TNFRSF10A: variants seen among roughly 807,000 people sequenced by gnomAD.
The protein encoded by TNFRSF10A is tumor necrosis factor receptor superfamily member 10A.
A neutral mutation model predicts 42.8 loss-of-function variants in TNFRSF10A; 44 were observed. The ratio of observed to expected loss-of-function variants is 1.03; its 90% CI spans 0.81 to 1.32. The LOEUF (loss-of-function observed/expected upper bound fraction) is 1.32, where lower values mean the gene tolerates loss of function less well. TNFRSF10A is among the 40% of genes most tolerant of loss of function. The probability of loss-of-function intolerance (pLI) is 0.00; values close to 1 mark genes in which losing one functional copy is unlikely to be tolerated. For missense variants in TNFRSF10A, 680 were observed against 602.0 expected (o/e 1.13, Z -1.36); for synonymous variants, 259 against 234.2 (o/e 1.11, Z -0.97).
intron 2 of TNFRSF10A, among the ~76,000 whole-genome samples, chr8:23,209,473 C>G (rs778614960): frequency 3.3e-5 from 5 of 152,232 alleles, no homozygotes; most frequent in Non-Finnish European, 7.3e-5. Flanking sequence ...GCACGTGAAA[C>G]CAGCCAGGAG....
intron 4 of TNFRSF10A, 100 bp downstream of exon 4, chr8:23,201,708 G>A (rs1800920292): frequency 8.9e-7 from 1 of 1,117,720 alleles, no homozygotes; most frequent in Non-Finnish European, 1.3e-6. Flanking sequence ...ATGGGGTCAG[G>A]GCTGATAGAT....
At chr8:23,208,590 G>A (rs1233145679) in intron 2 of TNFRSF10A, among the ~76,000 whole-genome samples, 1 of 152,032 alleles carries the variant, frequency 6.6e-6, no homozygotes, top group Non-Finnish European at 1.5e-5. Flanking sequence ...TGAGTAGCTG[G>A]GACTACAGGC....
rs140965492 is a variant in TNFRSF10A, at chr8:23,197,279, C to T, written c.1015-75G>A. On this transcript the variant is annotated intron_variant, in intron 8 of 9. Transcript: ENST00000221132. Reference sequence around the variant, plus strand: ...TCTAGTACTGACTCTGACCATCAGCCAGCCCGGAAACCTGCAGCACATCAC... The same window carrying T: ...TCTAGTACTGACTCTGACCATCAGCTAGCCCGGAAACCTGCAGCACATCAC... 1,963 of 1,570,208 alleles carry T rather than the reference C, an allele frequency of 1.3e-3. 27 individuals are homozygous for T. The African/African-American group carries it at 0.024, about 19-fold the overall frequency.
chr8:23,207,557 T>G (rs1801033864), intron 2 of TNFRSF10A, among the ~76,000 whole-genome samples: 1 of 152,180 alleles, frequency 6.6e-6, no homozygotes, highest in Non-Finnish European at 1.5e-5. Flanking sequence ...ATAAGGACAA[T>G]ATTACTGATA....
intron 8 of TNFRSF10A, 30 bp downstream of exon 8, chr8:23,199,236 A>G (rs1401586403): frequency 1.3e-6 from 2 of 1,593,910 alleles, no homozygotes; most frequent in Non-Finnish European, 1.7e-6. Flanking sequence ...CCTGCCTACA[A>G]GGTCTTGGAG....
chr8:23,192,464 C>T (rs1437383074), intron 9 of TNFRSF10A, among the ~76,000 whole-genome samples: 1 of 152,128 alleles, frequency 6.6e-6, no homozygotes, highest in African/African-American at 2.4e-5. Context: ...GGACCTCTGC[C>T]CTCCCTGAGG....
chr8:23,197,459 G>C (rs994536938), intron 8 of TNFRSF10A, among the ~76,000 whole-genome samples: 1 of 152,122 alleles, frequency 6.6e-6, no homozygotes, highest in African/African-American at 2.4e-5. Context: ...ATTGTGAACT[G>C]TGCACGTCAG....
chr8:23,207,012 CCACT>C, intron 2 of TNFRSF10A: 1 of 406,964 alleles, frequency 2.5e-6, no homozygotes, highest in Non-Finnish European at 4.7e-6. Flanking sequence ...AGAAAGGTGT[CCACT>C]GCCATGAAAA....
At chr8:23,222,350 C>G (rs887429396) in intron 1 of TNFRSF10A, among the ~76,000 whole-genome samples, 2 of 152,152 alleles carry the variant, frequency 1.3e-5, no homozygotes, top group African/African-American at 2.4e-5. Context: ...ATGACACATA[C>G]AAGGGTTCTC....
intron 2 of TNFRSF10A, among the ~76,000 whole-genome samples, chr8:23,209,762 G>C (rs1801067091): frequency 1.3e-5 from 2 of 152,196 alleles, no homozygotes; most frequent in Non-Finnish European, 2.9e-5. Flanking sequence ...TAGGCTCATA[G>C]GCAGAAGGGA....
At chr8:23,224,688 CCT>C in intron 1 of TNFRSF10A, 66 bp downstream of exon 1, 48 of 1,494,152 alleles carry the variant, frequency 3.2e-5, no homozygotes, top group Middle Eastern at 2.3e-4. Context: ...GCCGCGTCCC[CCT>C]CTCTCTCTGC....
intron 1 of TNFRSF10A, among the ~76,000 whole-genome samples, chr8:23,221,638 C>T (rs1171232917): frequency 6.6e-6 from 1 of 152,142 alleles, no homozygotes; most frequent in Non-Finnish European, 1.5e-5. Flanking sequence ...CCCAGCCGAC[C>T]ACAGTTTCCT....
At chr8:23,202,185 C>T (rs1465025931) in intron 3 of TNFRSF10A, among the ~76,000 whole-genome samples, 292 of 151,162 alleles carry the variant, frequency 1.9e-3, no homozygotes, top group African/African-American at 6.1e-3. Flanking sequence ...ATCGCATGGT[C>T]AGTAGCAAAG....
At chr8:23,221,763 A>G (rs1801259580) in intron 1 of TNFRSF10A, among the ~76,000 whole-genome samples, 1 of 152,200 alleles carries the variant, frequency 6.6e-6, no homozygotes, top group Non-Finnish European at 1.5e-5. Context: ...AAAATCTCTA[A>G]TAACACTGAA....
At chr8:23,211,517 A>C (rs951360237) in intron 2 of TNFRSF10A, among the ~76,000 whole-genome samples, 1 of 152,208 alleles carries the variant, frequency 6.6e-6, no homozygotes, top group African/African-American at 2.4e-5. Context: ...TGAGAAACTC[A>C]GCTGATTTTA....
chr8:23,220,907 C>G (rs1801247484), intron 1 of TNFRSF10A, among the ~76,000 whole-genome samples: 2 of 152,208 alleles, frequency 1.3e-5, no homozygotes, highest in Admixed American at 1.3e-4. Flanking sequence ...TTCCTGCTCA[C>G]TCTTCAAACT....
At chr8:23,215,790 T>C (rs1801170226) in intron 1 of TNFRSF10A, among the ~76,000 whole-genome samples, 1 of 152,048 alleles carries the variant, frequency 6.6e-6, no homozygotes, top group Admixed American at 6.6e-5. Flanking sequence ...GCTGTTGTTC[T>C]TTTTTTCTTT....
chr8:23,200,815 G>A, intron 4 of TNFRSF10A, 55 bp from the exon 5 acceptor site: 6 of 1,538,916 alleles, frequency 3.9e-6, no homozygotes, highest in Non-Finnish European at 5.4e-6. Flanking sequence ...CTGGCCAGGT[G>A]GGATGAAAGA....
chr8:23,220,501 G>T (rs1374223749), intron 1 of TNFRSF10A, among the ~76,000 whole-genome samples: 2 of 152,200 alleles, frequency 1.3e-5, no homozygotes, highest in Non-Finnish European at 2.9e-5. Flanking sequence ...ACTCTGCTGT[G>T]GCCCCAGCTC....
Sources: allele counts gnomAD v4.1 joint callset (sites outside exome capture counted in the v4.1 genomes callset), GRCh38; gene constraint gnomAD v4.1.1; transcripts MANE v1.5; gene names NCBI Gene and HGNC (gene_info 2026-07-23, HGNC 2026-07-21).